The following DNER variants were observed in gnomAD, a reference collection of about 807,000 sequenced individuals.
DNER encodes the protein delta/notch like EGF repeat containing.
DNER carries 33 observed loss-of-function variants against 78.2 expected under a neutral mutation model. The ratio of observed to expected loss-of-function variants is 0.42; its 90% CI spans 0.32 to 0.56. The LOEUF is 0.56. DNER is among the 20% of genes least tolerant of loss of function. DNER has a pLI of 0.11. For synonymous variants in DNER, 417 were observed against 384.8 expected, an observed-to-expected ratio of 1.08 and a Z score of -0.98; for missense variants, 918 against 975.3, an observed-to-expected ratio of 0.94 and a Z score of 0.78.
chr2:229,597,637 G>A (rs1187191778), intron 1 of DNER, among the ~76,000 whole-genome samples: 1 of 152,112 alleles, frequency 6.6e-6, no homozygotes, highest in Non-Finnish European at 1.5e-5. Flanking sequence ...TAATGATGGG[G>A]AAAAATGATT....
At chr2:229,500,672 T>C (rs1695601259) in intron 6 of DNER, among the ~76,000 whole-genome samples, 2 of 152,198 alleles carry the variant, frequency 1.3e-5, no homozygotes, top group African/African-American at 4.8e-5. Flanking sequence ...GAAAATGTGG[T>C]GTATATATAC....
rs188552996 is a variant in DNER, at chr2:229,447,307, G to A, written c.1486+9C>T. ...AAAGGAAGATGTACTGTGTAGGGGC[G>A]GTACCCACCTGGATCACAGAGGCAT... is the stretch of plus-strand genomic sequence containing the variant. On this transcript the variant is annotated intron_variant, in intron 8 of 12. Coordinates refer to ENST00000341772, the MANE Select transcript of DNER (RefSeq NM_139072.4). The A allele has an allele frequency of 2.0e-5, 31 of 1,587,052 alleles. No individual in the cohort carries two copies. The highest frequency in any genetic ancestry group is 1.6e-4 in the East Asian group (7 of 43,782).
At chr2:229,579,485 T>C (rs1697354981) in intron 4 of DNER, among the ~76,000 whole-genome samples, 1 of 152,214 alleles carries the variant, frequency 6.6e-6, no homozygotes, top group Non-Finnish European at 1.5e-5. Context: ...TCAAAGGAAA[T>C]ATCACTGGGT....
chr2:229,599,758 CA>C (rs1697792568), intron 1 of DNER, among the ~76,000 whole-genome samples: 1 of 152,070 alleles, frequency 6.6e-6, no homozygotes, highest in Non-Finnish European at 1.5e-5. Context: ...AGGATAAATA[CA>C]AGATAAATGC....
intron 1 of DNER, among the ~76,000 whole-genome samples, chr2:229,687,903 T>C (rs940263252): frequency 4.6e-5 from 7 of 152,214 alleles, no homozygotes; most frequent in South Asian, 4.1e-4. Context: ...ACTGTCACCA[T>C]TTCATTCCTT....
At chr2:229,569,920 T>C (rs1422209815) in intron 4 of DNER, among the ~76,000 whole-genome samples, 1 of 152,152 alleles carries the variant, frequency 6.6e-6, no homozygotes, top group Non-Finnish European at 1.5e-5. Flanking sequence ...CGAAATATGA[T>C]CAGATGCACA....
chr2:229,381,505 C>T (rs1450967034), intron 11 of DNER, among the ~76,000 whole-genome samples: 1 of 152,158 alleles, frequency 6.6e-6, no homozygotes, highest in African/African-American at 2.4e-5. Flanking sequence ...CCCCACGGAG[C>T]CCAGCAAACT....
At chr2:229,630,398 C>T (rs1698412221) in intron 1 of DNER, among the ~76,000 whole-genome samples, 3 of 151,698 alleles carry the variant, frequency 2.0e-5, no homozygotes, top group South Asian at 4.2e-4. Flanking sequence ...ATTGCTTGAA[C>T]CCGGAAGGCA....
chr2:229,677,105 T>G (rs1164150314), intron 1 of DNER, among the ~76,000 whole-genome samples: 1 of 152,204 alleles, frequency 6.6e-6, no homozygotes, highest in Non-Finnish European at 1.5e-5. Flanking sequence ...TATCTTCTCC[T>G]CACAGCTTCA....
At chr2:229,569,392 C>T (rs1697175124) in intron 4 of DNER, among the ~76,000 whole-genome samples, 1 of 152,068 alleles carries the variant, frequency 6.6e-6, no homozygotes, top group Admixed American at 6.6e-5. Flanking sequence ...CATGATGGCT[C>T]ACGCCTGTAG....
At chr2:229,398,959 A>G (rs1693207106) in intron 10 of DNER, among the ~76,000 whole-genome samples, 2 of 152,050 alleles carry the variant, frequency 1.3e-5, no homozygotes, top group African/African-American at 4.8e-5. Context: ...AAAACACTAC[A>G]GCTGACATTA....
At chr2:229,509,602 T>C (rs1412411864) in intron 6 of DNER, among the ~76,000 whole-genome samples, 1 of 151,452 alleles carries the variant, frequency 6.6e-6, no homozygotes, top group Non-Finnish European at 1.5e-5. Context: ...TCTCCTGAGG[T>C]CAGGAGTTTG....
intron 4 of DNER, among the ~76,000 whole-genome samples, chr2:229,553,751 G>A (rs1696793916): frequency 6.6e-6 from 1 of 152,148 alleles, no homozygotes; most frequent in South Asian, 2.1e-4. Flanking sequence ...TACTGGTTGA[G>A]AAAATAGAAA....
At chr2:229,663,568 C>T (rs1699042526) in intron 1 of DNER, among the ~76,000 whole-genome samples, 3 of 152,194 alleles carry the variant, frequency 2.0e-5, no homozygotes, top group Non-Finnish European at 4.4e-5. Context: ...AATTTTCAGT[C>T]TCATTTTCAT....
At chr2:229,670,958 G>A (rs1699196507) in intron 1 of DNER, among the ~76,000 whole-genome samples, 1 of 152,198 alleles carries the variant, frequency 6.6e-6, no homozygotes, top group African/African-American at 2.4e-5. Context: ...CTGGAAAAAT[G>A]TGTGAAATGT....
chr2:229,657,028 G>A (rs1403513056), intron 1 of DNER, among the ~76,000 whole-genome samples: 1 of 137,830 alleles, frequency 7.3e-6, no homozygotes, highest in Non-Finnish European at 1.5e-5. Context: ...AACATGCCAA[G>A]ATCTACCCTC....
intron 4 of DNER, among the ~76,000 whole-genome samples, chr2:229,548,416 A>G (rs901218586): frequency 2.6e-5 from 4 of 152,242 alleles, no homozygotes; most frequent in Admixed American, 2.0e-4. Flanking sequence ...GCAGCCATAA[A>G]AAAGGATGAG....
chr2:229,465,605 C>G (rs944129213), intron 7 of DNER, among the ~76,000 whole-genome samples: 9 of 151,968 alleles, frequency 5.9e-5, no homozygotes, highest in African/African-American at 2.2e-4. Context: ...AAATAAAAAA[C>G]AAACAGAATC....
chr2:229,607,097 TA>T lies in DNER; in HGVS notation c.277-15210del, dbSNP rs541357450. Among the ~76,000 whole-genome samples the T allele has an allele frequency of 1.1e-3, 167 of 152,322 alleles. 1 individual carries two copies. The highest frequency in any genetic ancestry group is 3.0e-3 in the Admixed American group (46 of 15,310). On this transcript the variant is annotated intron_variant, in intron 1 of 12. Coordinates refer to ENST00000341772, the MANE Select transcript of DNER (RefSeq NM_139072.4). ...CACCATCAGCACTTGGAACTGTGGA[TA>T]AACGGTCAACAAAACCTTTTCCACT...
Sources: gnomAD v4.1 joint callset for allele counts (sites outside exome capture counted in the v4.1 genomes callset) on GRCh38, gnomAD v4.1.1 for gene constraint, MANE v1.5 for transcripts, NCBI Gene and HGNC (gene_info 2026-07-23, HGNC 2026-07-21) for gene names.